Variants in ST6GAL2 observed in about 807,000 individuals in gnomAD.
The protein encoded by ST6GAL2 is beta-galactoside alpha-2,6-sialyltransferase 2.
In ST6GAL2, 24 loss-of-function variants were observed where a neutral mutation model predicts 37.5. The ratio of observed to expected loss-of-function variants is 0.64; its 90% confidence interval spans 0.46 to 0.90. ST6GAL2 has a LOEUF of 0.90. ST6GAL2 is among the 40% of genes least tolerant of loss of function. ST6GAL2 has a pLI of 0.00. For missense variants in ST6GAL2, 715 were observed against 712.7 expected (o/e 1.00, Z -0.04); for synonymous variants, 306 against 295.1 (o/e 1.04, Z -0.38).
intron 1 of ST6GAL2, among the ~76,000 whole-genome samples, chr2:106,865,305 G>A (rs1047414968): frequency 3.3e-5 from 5 of 152,120 alleles, no homozygotes; most frequent in African/African-American, 1.2e-4. Flanking sequence ...GGTACTAATT[G>A]CAGGCATTTC....
intron 1 of ST6GAL2, among the ~76,000 whole-genome samples, chr2:106,869,126 G>A (rs955077818): frequency 4.6e-5 from 7 of 152,140 alleles, no homozygotes; most frequent in African/African-American, 7.2e-5. Context: ...GGGCTTTGGA[G>A]GGGATTTGGG....
At chr2:106,847,684 C>G (rs960520874) in intron 1 of ST6GAL2, among the ~76,000 whole-genome samples, 1 of 152,166 alleles carries the variant, frequency 6.6e-6, no homozygotes, top group Non-Finnish European at 1.5e-5. Context: ...TCTAGGACAC[C>G]CTTCAGGTTC....
chr2:106,884,608 ATGCTACCATTTGTATCTAT>A (rs1425358591), intron 1 of ST6GAL2, among the ~76,000 whole-genome samples: 1 of 152,166 alleles, frequency 6.6e-6, no homozygotes, highest in African/African-American at 2.4e-5. Flanking sequence ...AAAATGTAAG[ATGCTACCATTTGTATCTAT>A]TGCGGCAAAA....
At chr2:106,839,131 A>T (rs2104501130) in intron 2 of ST6GAL2, among the ~76,000 whole-genome samples, 1 of 152,202 alleles carries the variant, frequency 6.6e-6, no homozygotes, top group Non-Finnish European at 1.5e-5. Flanking sequence ...CAATTAAGTG[A>T]AGTCTAATAT....
At chr2:106,874,683 A>G (rs1006403186) in intron 1 of ST6GAL2, among the ~76,000 whole-genome samples, 17 of 152,172 alleles carry the variant, frequency 1.1e-4, no homozygotes, top group African/African-American at 3.9e-4. Flanking sequence ...TTTTTCTTAA[A>G]GAGTATGATA....
chr2:106,859,714 CCT>C (rs1677722868), intron 1 of ST6GAL2, among the ~76,000 whole-genome samples: 1 of 152,122 alleles, frequency 6.6e-6, no homozygotes, highest in Non-Finnish European at 1.5e-5. Flanking sequence ...GACCTAGTCG[CCT>C]CTCACCTGAA....
At chr2:106,855,050 T>C (rs1471368150) in intron 1 of ST6GAL2, among the ~76,000 whole-genome samples, 1 of 152,218 alleles carries the variant, frequency 6.6e-6, no homozygotes, top group Non-Finnish European at 1.5e-5. Flanking sequence ...TTATAATTTA[T>C]GCTGCTATAA....
chr2:106,813,020 G>A (rs1054186726), intron 5 of ST6GAL2: 100 of 1,223,362 alleles, frequency 8.2e-5, no homozygotes, highest in Non-Finnish European at 9.3e-5. Flanking sequence ...ATTTAGACAC[G>A]TTTTAATGTA....
At position 106,806,452 on chromosome 2, in the gene ST6GAL2, G is replaced by A; in HGVS notation, c.*226C>T. The A allele has an allele frequency of 1.9e-6, 1 of 526,090 alleles. No individual in the cohort carries two copies. The allele number at this position is 526,090 out of a possible 1,614,324, so 32.6% of individuals were successfully genotyped here. A position where few individuals can be genotyped will look rare whatever the true frequency, so the allele number is the denominator to read the frequency against. On this transcript the variant is annotated 3_prime_UTR_variant, in exon 6 of 6. Coordinates refer to ENST00000409382, the MANE Select transcript of ST6GAL2 (RefSeq NM_001142351.2). Reference sequence around the variant, plus strand: ...TGTGTTTTCTTTCTAGCTATCCTTGGTTTTGCATCTTTCTTGAGCCTTATT... The same window carrying A: ...TGTGTTTTCTTTCTAGCTATCCTTGATTTTGCATCTTTCTTGAGCCTTATT...
intron 1 of ST6GAL2, among the ~76,000 whole-genome samples, chr2:106,857,855 C>T (rs1410497674): frequency 1.3e-5 from 2 of 152,138 alleles, no homozygotes; most frequent in African/African-American, 2.4e-5. Flanking sequence ...AACAATGCCT[C>T]GCTGCTGACA....
chr2:106,863,835 C>CT (rs1482169464), intron 1 of ST6GAL2, among the ~76,000 whole-genome samples: 5 of 152,138 alleles, frequency 3.3e-5, no homozygotes, highest in African/African-American at 1.2e-4. Context: ...CATGCATGTT[C>CT]TTTCCTCTTA....
chr2:106,844,937 G>C (rs544065901), intron 1 of ST6GAL2, among the ~76,000 whole-genome samples: 1 of 152,198 alleles, frequency 6.6e-6, no homozygotes, highest in Admixed American at 6.5e-5. Flanking sequence ...TAGTACCAAA[G>C]GAAACACAAA....
chr2:106,865,369 C>T (rs908511388), intron 1 of ST6GAL2, among the ~76,000 whole-genome samples: 5 of 152,244 alleles, frequency 3.3e-5, no homozygotes, highest in African/African-American at 9.6e-5. Context: ...ATGCAGAGAG[C>T]ACATGCTTAG....
At chr2:106,848,520 G>A (rs559048983) in intron 1 of ST6GAL2, among the ~76,000 whole-genome samples, 10 of 152,314 alleles carry the variant, frequency 6.6e-5, no homozygotes, top group East Asian at 1.9e-4. Flanking sequence ...CACAGTGGTG[G>A]GAAGTGAAAC....
At chr2:106,822,723 G>C (rs1455080693) in intron 5 of ST6GAL2, among the ~76,000 whole-genome samples, 1 of 152,046 alleles carries the variant, frequency 6.6e-6, no homozygotes, top group Non-Finnish European at 1.5e-5. Context: ...TGAGTGAAAA[G>C]AACAAAACTG....
chr2:106,859,908 G>T (rs531542115), intron 1 of ST6GAL2, among the ~76,000 whole-genome samples: 1 of 151,754 alleles, frequency 6.6e-6, no homozygotes, highest in African/African-American at 2.4e-5. Flanking sequence ...CTTTGCCGTG[G>T]CCTACAAGGC....
intron 4 of ST6GAL2, among the ~76,000 whole-genome samples, chr2:106,831,847 A>G (rs374705795): frequency 2.6e-4 from 39 of 152,314 alleles, no homozygotes; most frequent in East Asian, 1.9e-3. Context: ...AACAAGTCAA[A>G]GACGCTCATT....
intron 5 of ST6GAL2, among the ~76,000 whole-genome samples, chr2:106,812,720 T>C (rs1675656120): frequency 6.6e-6 from 1 of 152,238 alleles, no homozygotes; most frequent in African/African-American, 2.4e-5. Context: ...TTTGTAATCA[T>C]TTCCCCATGC....
At chr2:106,844,602 G>A (rs569441529) in intron 1 of ST6GAL2, among the ~76,000 whole-genome samples, 9 of 152,258 alleles carry the variant, frequency 5.9e-5, no homozygotes, top group African/African-American at 1.7e-4. Context: ...GAAGTCCACC[G>A]ATGGCACTGA....
Sources: allele counts gnomAD v4.1 joint callset (sites outside exome capture counted in the v4.1 genomes callset), GRCh38; gene constraint gnomAD v4.1.1; transcripts MANE v1.5; gene names NCBI Gene and HGNC (gene_info 2026-07-23, HGNC 2026-07-21).